The following SNCG variants were observed in gnomAD, a reference collection of about 807,000 sequenced individuals.
The protein encoded by SNCG is gamma-synuclein.
Under a neutral mutation model 16.0 loss-of-function variants are expected in SNCG, and 13 were observed. The observed-to-expected ratio is 0.81, with a 90% CI of 0.53 to 1.29. The LOEUF (loss-of-function observed/expected upper bound fraction) is 1.29. Ranked by LOEUF, SNCG falls within the 50% of genes most tolerant of loss-of-function variation. The pLI, the probability that SNCG is intolerant of heterozygous loss-of-function variation, is 0.00. For synonymous variants in SNCG, 66 were observed against 66.3 expected, an observed-to-expected ratio of 1.00 and a Z score of 0.02; for missense variants, 154 against 168.5, an observed-to-expected ratio of 0.91 and a Z score of 0.48.
upstream of SNCG, chr10:86,958,289 C>A: frequency 1.0e-6 from 1 of 981,930 alleles, no homozygotes; most frequent in Non-Finnish European, 1.2e-6. Context: ...GCAGCATAGA[C>A]ACAGCACCCC....
At position 86,959,686 on chromosome 10, in the gene SNCG, C is replaced by T; in HGVS notation, c.163+12C>T. 1 of 1,603,606 alleles carries T rather than the reference C, an allele frequency of 6.2e-7. No individual in the cohort carries two copies. The highest frequency in any genetic ancestry group is 8.5e-7 in the Non-Finnish European group (1 of 1,174,986). On this transcript the variant is annotated intron_variant, in intron 2 of 4. Coordinates refer to ENST00000372017, the MANE Select transcript of SNCG (RefSeq NM_003087.3). This position sits in a 1 kb window ranked among gnomAD's most constrained non-coding sequence, Gnocchi z 4.3. ...GAGCGTGACCTCAGGTGAGAAGCCC[C>T]AGGGCCAGGGGACACATGGGGGATA...
rs1433299106 is a variant in SNCG, at chr10:86,958,719, T to C, written c.22T>C (p.Phe8Leu). The C allele has an allele frequency of 1.2e-6, 2 of 1,613,938 alleles. No homozygotes were observed. Among genetic ancestry groups the C allele is most frequent in the African/African-American group, 1.3e-5 (1 of 74,940 alleles). The change falls in exon 1 of 5, where the codon TTC (phenylalanine) becomes CTC (leucine). Residue 8 changes from phenylalanine to leucine, a missense_variant. Physicochemically the swap from Phe to Leu is conservative, Grantham distance 22 (BLOSUM62 0). Transcript: ENST00000372017. Reference protein sequence around the residue: MDVFKKGFSIAKEGVVGA... With the variant: MDVFKKGLSIAKEGVVGA... Reference sequence around the variant, plus strand: ...CACCATGGATGTCTTCAAGAAGGGCTTCTCCATCGCCAAGGAGGGCGTGGT... The same window carrying C: ...CACCATGGATGTCTTCAAGAAGGGCCTCTCCATCGCCAAGGAGGGCGTGGT...
Position 86,959,522 on chromosome 10 carries a change from C to A in SNCG, c.122-111C>A. Reference sequence around the variant, plus strand: ...GGGGCCGCCGGCCCCCAGACACCATCCTTACCCCCCCACCGACCCCACAGT... The same window carrying A: ...GGGGCCGCCGGCCCCCAGACACCATACTTACCCCCCCACCGACCCCACAGT... On this transcript the variant is annotated intron_variant, in intron 1 of 4. Transcript: ENST00000372017. The surrounding 1 kb of genome is among the most constrained non-coding windows in gnomAD (Gnocchi z 4.3). 2 of 929,974 alleles carry A rather than the reference C, an allele frequency of 2.2e-6. No homozygotes were observed. The highest frequency in any genetic ancestry group is 3.4e-6 in the Non-Finnish European group (2 of 581,214). 57.6% of individuals were successfully genotyped at this position (929,974 alleles called of 1,614,324 possible).
At chr10:86,958,932 C>G in intron 1 of SNCG, 114 bp downstream of exon 1, 1 of 1,173,902 alleles carries the variant, frequency 8.5e-7, no homozygotes, top group South Asian at 1.5e-5. Flanking sequence ...GGGGGCGAGG[C>G]CCTGGCTATC....
rs144819543 is a variant in SNCG, at chr10:86,960,057, G to C, written c.220G>C (p.Val74Leu). 3 of 1,612,992 alleles carry C rather than the reference G, an allele frequency of 1.9e-6. No individual in the cohort carries two copies. Among genetic ancestry groups the C allele is most frequent in the Admixed American group, 3.3e-5 (2 of 59,958 alleles). Residue 74 changes from valine to leucine, a missense_variant, in exon 3 of 5, where the codon GTC becomes CTC. By Grantham distance (32) the Val-to-Leu change is conservative. Coordinates refer to ENST00000372017, the MANE Select transcript of SNCG (RefSeq NM_003087.3). ...CGTGAGCGAGGCTGTGGTGAGCAGC[G>C]TCAACACTGTGGCCACCAAGACCGT... Reference protein sequence around the residue: ...NAVSEAVVSSVNTVATKTVEE... With the variant: ...NAVSEAVVSSLNTVATKTVEE...
upstream of SNCG, chr10:86,958,554 G>GGCC (rs1457297383): frequency 7.5e-7 from 1 of 1,336,892 alleles, no homozygotes; most frequent in African/African-American, 1.5e-5. Flanking sequence ...GGCTCCAGCT[G>GGCC]GCCTCCGCAT....
At chr10:86,961,441 CCAT>C (rs374307063) in intron 3 of SNCG, among the ~76,000 whole-genome samples, 3 of 151,596 alleles carry the variant, frequency 2.0e-5, no homozygotes, top group Non-Finnish European at 2.9e-5. Context: ...AGGAAGGTGA[CCAT>C]CATCATCATC....
upstream of SNCG, among the ~76,000 whole-genome samples, chr10:86,956,498 C>T (rs1022673911): frequency 6.6e-6 from 1 of 152,156 alleles, no homozygotes; most frequent in Non-Finnish European, 1.5e-5. Context: ...TGTGTGGGGG[C>T]AGGAGGGTGG....
At chr10:86,960,185 G>A in intron 3 of SNCG, 57 bp downstream of exon 3, 1 of 1,534,244 alleles carries the variant, frequency 6.5e-7, no homozygotes, top group Non-Finnish European at 8.9e-7. Flanking sequence ...AAGGCTGCTG[G>A]GCGGAGGCGG....
At chr10:86,962,846 TC>T (rs2133698714) in intron 4 of SNCG, 118 bp from the exon 5 acceptor site, 1 of 1,244,886 alleles carries the variant, frequency 8.0e-7, no homozygotes, top group Non-Finnish European at 1.1e-6. Flanking sequence ...GAGTGGGAGG[TC>T]CCCCCACGGA....
At chr10:86,958,540 G>C (rs1844276436), upstream of SNCG, 1 of 1,386,742 alleles carries the variant, frequency 7.2e-7, no homozygotes, top group African/African-American at 1.5e-5. Flanking sequence ...CGCAGGGCTG[G>C]CTGGGCTCCA....
chr10:86,955,772 G>A (rs1262813798), upstream of SNCG, among the ~76,000 whole-genome samples: 1 of 152,162 alleles, frequency 6.6e-6, no homozygotes, highest in Non-Finnish European at 1.5e-5. Context: ...TTGCCCTGTG[G>A]AGACTGCAGC....
chr10:86,961,688 C>A (rs1248128919), intron 3 of SNCG, among the ~76,000 whole-genome samples: 1 of 152,184 alleles, frequency 6.6e-6, no homozygotes, highest in African/African-American at 2.4e-5. Context: ...GACTATCTGA[C>A]CACTCATACC....
chr10:86,958,406 A>G, upstream of SNCG: 1 of 985,354 alleles, frequency 1.0e-6, no homozygotes. Flanking sequence ...CATGGAGGGC[A>G]CGGGGCAGGA....
chr10:86,960,985 C>CT (rs1323681392), intron 3 of SNCG, among the ~76,000 whole-genome samples: 1 of 152,222 alleles, frequency 6.6e-6, no homozygotes, highest in Non-Finnish European at 1.5e-5. Context: ...AGCCTGTACT[C>CT]TGAGAGACCC....
upstream of SNCG, chr10:86,958,167 C>T (rs949578432): frequency 8.1e-6 from 8 of 983,058 alleles, no homozygotes; most frequent in South Asian, 4.7e-5. Context: ...CAGCCCAGGC[C>T]GCGGGAGGTT....
In SNCG at chr10:86,959,049, G is replaced by A. The variant is rs79742456; in HGVS notation, c.121+231G>A. On this transcript the variant is annotated intron_variant, in intron 1 of 4. Transcript: ENST00000372017. This position sits in a 1 kb window ranked among gnomAD's most constrained non-coding sequence, Gnocchi z 4.3. ...TCTGGGTGTCAGAGACCGCAGACAG[G>A]GCTGGCTACCTGTCTGTGCACGCAC... Among the ~76,000 whole-genome samples the A allele has an allele frequency of 0.03, 4,557 of 152,202 alleles. 194 individuals carry two copies. The highest frequency in any genetic ancestry group is 0.097 in the African/African-American group (4,026 of 41,516).
At position 86,959,551 on chromosome 10, in the gene SNCG, T is replaced by A; in HGVS notation, c.122-82T>A. 1 of 1,280,172 alleles carries A rather than the reference T, an allele frequency of 7.8e-7. No homozygotes were observed. Among genetic ancestry groups the A allele is most frequent in the Admixed American group, 1.7e-5 (1 of 58,268 alleles). 79.3% of individuals were successfully genotyped at this position (1,280,172 alleles called of 1,614,324 possible). On this transcript the variant is annotated intron_variant, in intron 1 of 4. Transcript: ENST00000372017. The surrounding 1 kb of genome is among the most constrained non-coding windows in gnomAD (Gnocchi z 4.3). Reference sequence around the variant, plus strand: ...ACCCCCCCACCGACCCCACAGTTTGTCCAGCTGTTCTGTTGTGTTTGTCCT... The same window carrying A: ...ACCCCCCCACCGACCCCACAGTTTGACCAGCTGTTCTGTTGTGTTTGTCCT...
chr10:86,956,346 C>T (rs1260708080), upstream of SNCG, among the ~76,000 whole-genome samples: 1 of 152,240 alleles, frequency 6.6e-6, no homozygotes, highest in African/African-American at 2.4e-5. Flanking sequence ...ACCCAACAAA[C>T]CTGCAACTCA....
Sources: gnomAD v4.1 joint callset for allele counts (sites outside exome capture counted in the v4.1 genomes callset) on GRCh38, gnomAD v4.1.1 for gene constraint, Gnocchi (gnomAD v3.1) non-coding constraint, MANE v1.5 for transcripts, NCBI Gene and HGNC (gene_info 2026-07-23, HGNC 2026-07-21) for gene names.